The following CUX1 variants were observed in gnomAD, a reference collection of about 807,000 sequenced individuals.
CUX1 encodes the protein protein CASP.
In CUX1, 31 loss-of-function variants were observed where a neutral mutation model predicts 158.8. The observed-to-expected ratio is 0.20, with a 90% CI of 0.15 to 0.26. The LOEUF is 0.26. CUX1 is among the 10% of genes least tolerant of loss of function. The pLI, the probability that CUX1 is intolerant of heterozygous loss-of-function variation, is 1.00. For synonymous variants in CUX1, 879 were observed against 862.1 expected, an observed-to-expected ratio of 1.02 and a Z score of -0.34; for missense variants, 1,589 against 2,014.6, an observed-to-expected ratio of 0.79 and a Z score of 4.04.
At chr7:102,026,479 T>C (rs1448784522) in intron 2 of CUX1, among the ~76,000 whole-genome samples, 1 of 152,154 alleles carries the variant, frequency 6.6e-6, no homozygotes, top group African/African-American at 2.4e-5. Flanking sequence ...GTTTTATTTC[T>C]AATGGCAAGG....
Position 102,252,840 on chromosome 7 carries a change from G to A in CUX1, c.*3798G>A, listed in dbSNP as rs1801657681. On this transcript the variant is annotated 3_prime_UTR_variant, in exon 24 of 24. Coordinates refer to ENST00000292535, the MANE Select transcript of CUX1 (RefSeq NM_181552.4). ...CTTTAGAAAGGGTTATCAGAGCCAT[G>A]GAGCTTAGCTCAATTGGATTCTTCT... The A allele has an allele frequency of 4.1e-6, 4 of 985,438 alleles. No homozygotes were observed. The highest frequency in any genetic ancestry group is 4.8e-6 in the Non-Finnish European group (4 of 829,948). 61.0% of individuals were successfully genotyped at this position (985,438 alleles called of 1,614,324 possible). A position where few individuals can be genotyped will look rare whatever the true frequency, so the allele number is the denominator to read the frequency against.
chr7:101,891,560 T>C (rs1450974710), intron 1 of CUX1, among the ~76,000 whole-genome samples: 1 of 152,160 alleles, frequency 6.6e-6, no homozygotes, highest in Non-Finnish European at 1.5e-5. Context: ...ATGATCGGGG[T>C]TTACTTCTGA....
At chr7:101,890,076 C>T (rs1800706780) in intron 1 of CUX1, among the ~76,000 whole-genome samples, 1 of 152,192 alleles carries the variant, frequency 6.6e-6, no homozygotes, top group Non-Finnish European at 1.5e-5. Context: ...AGGCCAGTGG[C>T]AGGGACTGGC....
intron 21 of CUX1, among the ~76,000 whole-genome samples, chr7:102,282,325 G>T (rs1402552735): frequency 6.6e-6 from 1 of 152,180 alleles, no homozygotes; most frequent in Admixed American, 6.5e-5. Flanking sequence ...CTAGTTAGCG[G>T]ATAAGGGCCT....
rs1790787734 is a variant in CUX1 at position 102,266,093 on chromosome 7, G to A, written c.1256-7273G>A. On this transcript the variant is annotated intron_variant, in intron 14 of 22. Transcript: ENST00000292538. ...GTGGTTCATGCTTGTAGTCCCAGCT[G>A]CTCGGGAGGCTGAGGCAGGAGAATC... Among the ~76,000 whole-genome samples the A allele has an allele frequency of 5.3e-5, 8 of 151,716 alleles. No homozygotes were observed. The South Asian group carries it at 1.7e-3, about 32-fold the overall frequency.
At chr7:101,995,467 T>C (rs1397610597) in intron 2 of CUX1, among the ~76,000 whole-genome samples, 21 of 152,254 alleles carry the variant, frequency 1.4e-4, no homozygotes, top group Non-Finnish European at 8.8e-5. Flanking sequence ...CTTACGCCTT[T>C]GGATTCAATG....
In CUX1 at chr7:102,204,447, G is replaced by C; in HGVS notation, c.2964G>C (p.Trp988Cys). 1 of 1,613,790 alleles carries C rather than the reference G, an allele frequency of 6.2e-7. No individual in the cohort carries two copies. Among genetic ancestry groups the C allele is most frequent in the Non-Finnish European group, 8.5e-7 (1 of 1,180,042 alleles). The change falls in exon 19 of 24, where the codon TGG (tryptophan) becomes TGC (cysteine). Residue 988 changes from tryptophan to cysteine, a missense_variant. Around this residue, in one of 8 missense-constraint regions of CUX1, gnomAD observed 29 missense variants for 66.6 expected, o/e 0.44. Coordinates refer to ENST00000292535, the MANE Select transcript of CUX1 (RefSeq NM_181552.4). Reference protein sequence around the residue: ...VSDMLSRPKPWSKLTQKGREP... With the variant: ...VSDMLSRPKPCSKLTQKGREP... The stretch of plus-strand genomic sequence containing the variant: ...ACATGCTGTCCCGACCGAAGCCATG[G>C]AGCAAGCTGACGCAGAAAGGCCGAG...
At chr7:101,889,227 CCAACCTGGG>C (rs1435790249) in intron 1 of CUX1, among the ~76,000 whole-genome samples, 1 of 145,332 alleles carries the variant, frequency 6.9e-6, no homozygotes, top group Non-Finnish European at 1.5e-5. Context: ...CCACTAAATT[CCAACCTGGG>C]CAATGGAGCA....
At chr7:102,049,013 G>A (rs140089046) in intron 3 of CUX1, among the ~76,000 whole-genome samples, 494 of 152,104 alleles carry the variant, frequency 3.2e-3, no homozygotes, top group African/African-American at 0.011. Flanking sequence ...GTGGGCCAGC[G>A]GTCACCGAGA....
intron 14 of CUX1, among the ~76,000 whole-genome samples, chr7:102,270,320 C>CCAG (rs1554546001): frequency 2.6e-5 from 4 of 152,228 alleles, no homozygotes; most frequent in Non-Finnish European, 5.9e-5. Flanking sequence ...GTACATCTAA[C>CCAG]TGAGGCCCCT....
chr7:102,124,398 C>T (rs934930872), intron 8 of CUX1, among the ~76,000 whole-genome samples: 5 of 152,248 alleles, frequency 3.3e-5, no homozygotes, highest in African/African-American at 4.8e-5. Context: ...TTTATCACAG[C>T]GCTGTTCACA....
At chr7:102,213,454 G>A (rs144908362) in intron 20 of CUX1, among the ~76,000 whole-genome samples, 28 of 152,300 alleles carry the variant, frequency 1.8e-4, no homozygotes, top group African/African-American at 5.3e-4. Flanking sequence ...AGACACAGCC[G>A]GCGAGGCTGA....
chr7:101,913,896 C>T (rs1400012592), intron 1 of CUX1, among the ~76,000 whole-genome samples: 2 of 152,076 alleles, frequency 1.3e-5, no homozygotes, highest in Non-Finnish European at 1.5e-5. Context: ...CGCCTTCTTT[C>T]GAAGGCTCCT....
intron 10 of CUX1, 91 bp from the exon 11 acceptor site, chr7:102,178,378 G>C (rs1023228400): frequency 4.8e-6 from 6 of 1,259,670 alleles, no homozygotes; most frequent in Non-Finnish European, 1.1e-6. Flanking sequence ...ACTGACATCT[G>C]TGCAGCTTCT....
At chr7:102,017,054 A>T (rs1818688501) in intron 2 of CUX1, among the ~76,000 whole-genome samples, 1 of 152,152 alleles carries the variant, frequency 6.6e-6, no homozygotes, top group African/African-American at 2.4e-5. Flanking sequence ...CTGTAATCCC[A>T]TCACTTTGGG....
At chr7:102,017,260 C>T (rs1338673942) in intron 2 of CUX1, among the ~76,000 whole-genome samples, 2 of 145,450 alleles carry the variant, frequency 1.4e-5, no homozygotes, top group Admixed American at 7.0e-5. Flanking sequence ...CACTGCACTC[C>T]GGCCTGGGGG....
intron 1 of CUX1, among the ~76,000 whole-genome samples, chr7:101,896,726 A>G (rs1389113137): frequency 6.7e-6 from 1 of 150,256 alleles, no homozygotes; most frequent in Non-Finnish European, 1.5e-5. Context: ...TGGGAAAAAT[A>G]AAAAATTAGC....
chr7:101,918,788 G>C (rs961756058), intron 2 of CUX1, among the ~76,000 whole-genome samples: 1 of 152,128 alleles, frequency 6.6e-6, no homozygotes, highest in Non-Finnish European at 1.5e-5. Context: ...TTTTGAGACA[G>C]AGTCTTGCCC....
intron 12 of CUX1, among the ~76,000 whole-genome samples, chr7:102,192,222 C>T (rs1794355666): frequency 6.6e-6 from 1 of 152,174 alleles, no homozygotes; most frequent in Non-Finnish European, 1.5e-5. Flanking sequence ...CACAAGACAC[C>T]CTGTCCCTTC....
Sources: allele counts gnomAD v4.1 joint callset (sites outside exome capture counted in the v4.1 genomes callset), GRCh38; gene constraint gnomAD v4.1.1; regional missense constraint gnomAD v4.1.1; transcripts MANE v1.5; gene names NCBI Gene and HGNC (gene_info 2026-07-23, HGNC 2026-07-21).